The following NRXN3 variants were observed in gnomAD, a reference collection of about 807,000 sequenced individuals.
NRXN3 encodes neurexin III.
In NRXN3, 32 loss-of-function variants were observed where a neutral mutation model predicts 137.6. The observed-to-expected ratio is 0.23, with a 90% CI of 0.18 to 0.31. NRXN3 has a LOEUF of 0.31. Among genes scored for constraint, NRXN3 ranks in the 10% least tolerant of loss-of-function variants. The probability of loss-of-function intolerance (pLI) is 1.00; values close to 1 mark genes in which losing one functional copy is unlikely to be tolerated. For synonymous variants in NRXN3, 798 were observed against 784.5 expected (o/e 1.02, Z -0.29); for missense variants, 1,574 against 2,062.5 (o/e 0.76, Z 4.59).
chr14:79,319,340 A>G (rs1156371562), intron 15 of NRXN3, among the ~76,000 whole-genome samples: 2 of 152,190 alleles, frequency 1.3e-5, no homozygotes, highest in Non-Finnish European at 2.9e-5. Flanking sequence ...TTACTTTCTC[A>G]TAAATACTAA....
At chr14:78,572,772 T>A (rs1190871664) in intron 4 of NRXN3, among the ~76,000 whole-genome samples, 1 of 152,228 alleles carries the variant, frequency 6.6e-6, no homozygotes, top group Non-Finnish European at 1.5e-5. Flanking sequence ...ATGCTTCTTC[T>A]TCTTTGTTCT....
At chr14:78,575,138 A>G (rs563511931) in intron 4 of NRXN3, among the ~76,000 whole-genome samples, 1 of 152,290 alleles carries the variant, frequency 6.6e-6, no homozygotes, top group South Asian at 2.1e-4. Flanking sequence ...GACTTTTGCC[A>G]TGATTGTAAG....
chr14:78,772,994 C>T (rs891562173), intron 8 of NRXN3, among the ~76,000 whole-genome samples: 2 of 152,070 alleles, frequency 1.3e-5, no homozygotes, highest in East Asian at 1.9e-4. Context: ...TTTTTAGTTA[C>T]GTTTTGTTCT....
intron 4 of NRXN3, among the ~76,000 whole-genome samples, chr14:78,312,006 G>A (rs911267861): frequency 3.6e-4 from 55 of 152,192 alleles, no homozygotes; most frequent in Admixed American, 3.4e-3. Context: ...TAGCACAATC[G>A]GGACTTAGAA....
At chr14:78,988,294 T>A (rs2099511272) in intron 15 of NRXN3, 153 bp downstream of exon 15, 2 of 903,052 alleles carry the variant, frequency 2.2e-6, no homozygotes, top group Non-Finnish European at 3.6e-6. Flanking sequence ...CTAGTGCTCT[T>A]ATGAGAAGAG....
chr14:78,209,974 G>A (rs2062585273), intron 1 of NRXN3, among the ~76,000 whole-genome samples: 1 of 152,122 alleles, frequency 6.6e-6, no homozygotes, highest in African/African-American at 2.4e-5. Flanking sequence ...AGCCACAAAG[G>A]CAAGTATTTT....
chr14:79,471,818 T>C (rs941479191), intron 16 of NRXN3, among the ~76,000 whole-genome samples: 5 of 152,196 alleles, frequency 3.3e-5, no homozygotes, highest in African/African-American at 9.6e-5. Flanking sequence ...TTGAGTGCTA[T>C]GAGCACTTTT....
chr14:79,251,231 C>T lies in NRXN3; in HGVS notation c.3263-215990C>T, dbSNP rs1174075150. 3.3e-5 allele frequency among the ~76,000 whole-genome samples: 5 copies of T among 152,118 alleles called. No individual in the cohort carries two copies. The East Asian group carries it at 9.7e-4, about 29-fold the overall frequency. On this transcript the variant is annotated intron_variant, in intron 15 of 20. Coordinates refer to ENST00000335750, the MANE Select transcript of NRXN3 (RefSeq NM_001330195.2). ...CCGGGGAAATGTAGCAGGCCCTATT[C>T]GAGAACAGTGTTGGCAGCTAAGAAC...
rs566703588 is a variant in NRXN3 at position 79,490,430 on chromosome 14, A to C, written c.3444+23028A>C. Among the ~76,000 whole-genome samples the C allele has an allele frequency of 5.3e-5, 8 of 152,346 alleles. No individual in the cohort carries two copies. In the South Asian group the frequency reaches 1.7e-3, roughly 32 times the overall value. On this transcript the variant is annotated intron_variant, in intron 16 of 20. Coordinates refer to ENST00000335750, the MANE Select transcript of NRXN3 (RefSeq NM_001330195.2). ...AAGCAACCTAAGTGTCCATTAACAGATGAATGGATAGAAAAAATGTGGTAC... is the reference window on the plus strand; with the variant it reads ...AAGCAACCTAAGTGTCCATTAACAGCTGAATGGATAGAAAAAATGTGGTAC...
At chr14:79,771,160 G>C (rs879242578) in intron 19 of NRXN3, among the ~76,000 whole-genome samples, 1 of 152,142 alleles carries the variant, frequency 6.6e-6, no homozygotes, top group African/African-American at 2.4e-5. Context: ...AAGAGTCCAG[G>C]ACCAGATGGA....
At chr14:78,637,008 A>G (rs1032095955) in intron 4 of NRXN3, among the ~76,000 whole-genome samples, 6 of 151,748 alleles carry the variant, frequency 4.0e-5, no homozygotes, top group Non-Finnish European at 2.9e-5. Flanking sequence ...TATCCATCCT[A>G]TCTTAGGAAT....
At chr14:78,189,393 G>A (rs2153370402) in intron 1 of NRXN3, among the ~76,000 whole-genome samples, 1 of 152,176 alleles carries the variant, frequency 6.6e-6, no homozygotes, top group African/African-American at 2.4e-5. Context: ...CTCTGAGTAA[G>A]CCCCAAGGTC....
chr14:79,435,861 C>G (rs562701893), intron 15 of NRXN3, among the ~76,000 whole-genome samples: 1 of 151,964 alleles, frequency 6.6e-6, no homozygotes, highest in Non-Finnish European at 1.5e-5. Flanking sequence ...CTCAAACTCT[C>G]GGACTGAAGG....
chr14:79,174,137 G>T (rs1431508412), intron 15 of NRXN3, among the ~76,000 whole-genome samples: 1 of 152,134 alleles, frequency 6.6e-6, no homozygotes, highest in African/African-American at 2.4e-5. Flanking sequence ...ATTCCAGAAA[G>T]GTGGCTAGCA....
At chr14:78,427,876 A>C (rs1490015365) in intron 4 of NRXN3, among the ~76,000 whole-genome samples, 3 of 152,216 alleles carry the variant, frequency 2.0e-5, no homozygotes, top group African/African-American at 7.2e-5. Context: ...CCTTCCACTG[A>C]AGAAGAAAGG....
chr14:78,313,090 A>G (rs2078163996), intron 4 of NRXN3, among the ~76,000 whole-genome samples: 1 of 152,208 alleles, frequency 6.6e-6, no homozygotes, highest in Non-Finnish European at 1.5e-5. Context: ...AGGCAAGGTT[A>G]GAGTAATTTG....
chr14:79,773,967 CTAAT>C (rs1196779603), intron 19 of NRXN3, among the ~76,000 whole-genome samples: 4 of 151,698 alleles, frequency 2.6e-5, no homozygotes, highest in African/African-American at 9.7e-5. Context: ...AATGAATAAA[CTAAT>C]TAATAAATAC....
chr14:78,223,578 T>C (rs1345202995), intron 1 of NRXN3, among the ~76,000 whole-genome samples: 1 of 152,156 alleles, frequency 6.6e-6, no homozygotes, highest in Non-Finnish European at 1.5e-5. Context: ...GTTCTGATGA[T>C]GTTGGAGGTG....
intron 4 of NRXN3, among the ~76,000 whole-genome samples, chr14:78,412,135 T>G (rs773581924): frequency 3.1e-4 from 47 of 152,184 alleles, no homozygotes; most frequent in Middle Eastern, 3.2e-3. Flanking sequence ...TGATAGACAT[T>G]TCTTATTTGG....
Sources: gnomAD v4.1 joint callset for allele counts (sites outside exome capture counted in the v4.1 genomes callset) on GRCh38, gnomAD v4.1.1 for gene constraint, MANE v1.5 for transcripts, NCBI Gene and HGNC (gene_info 2026-07-23, HGNC 2026-07-21) for gene names.